The following PAM variants were observed in gnomAD, a reference collection of about 807,000 sequenced individuals.
PAM encodes peptidylglycine alpha-amidating monooxygenase, also known as peptidyl-glycine alpha-amidating monooxygenase.
In PAM, 72 loss-of-function variants were observed where a neutral mutation model predicts 122.1. That is an observed-to-expected ratio of 0.59 (90% CI 0.49 to 0.72). The LOEUF (loss-of-function observed/expected upper bound fraction) is 0.72. Among genes scored for constraint, PAM ranks in the 30% least tolerant of loss-of-function variants. PAM has a pLI of 0.00. For synonymous variants in PAM, 389 were observed against 404.4 expected, an observed-to-expected ratio of 0.96 and a Z score of 0.46; for missense variants, 1,106 against 1,183.7, an observed-to-expected ratio of 0.93 and a Z score of 0.96.
At chr5:102,781,745 A>C (rs1012409985) in intron 1 of PAM, among the ~76,000 whole-genome samples, 2 of 152,242 alleles carry the variant, frequency 1.3e-5, no homozygotes, top group Non-Finnish European at 2.9e-5. Context: ...GTTATTATAT[A>C]CAGGGACTTG....
intron 1 of PAM, among the ~76,000 whole-genome samples, chr5:102,865,054 C>A (rs1279489269): frequency 6.6e-6 from 1 of 152,168 alleles, no homozygotes; most frequent in Non-Finnish European, 1.5e-5. Context: ...TAAGATTCTC[C>A]CTACTCTTTC....
intron 1 of PAM, chr5:102,837,665 T>A (rs1205514733): frequency 6.6e-6 from 1 of 152,222 alleles, no homozygotes. Context: ...TCTTTCACTA[T>A]TTATATTTTT....
At chr5:102,873,672 A>G (rs1393968181) in intron 3 of PAM, 1 of 152,262 alleles carries the variant, frequency 6.6e-6, no homozygotes, top group African/African-American at 2.4e-5. Context: ...AGTGTTAAGA[A>G]TTATGAGACC....
chr5:102,912,931 C>A (rs1801868187), intron 4 of PAM, among the ~76,000 whole-genome samples: 1 of 152,056 alleles, frequency 6.6e-6, no homozygotes, highest in South Asian at 2.1e-4. Flanking sequence ...GTCAGACACA[C>A]TGTGAGTCAT....
At chr5:102,999,714 G>T (rs934256949) in intron 16 of PAM, among the ~76,000 whole-genome samples, 1 of 152,212 alleles carries the variant, frequency 6.6e-6, no homozygotes, top group Non-Finnish European at 1.5e-5. Flanking sequence ...AATGGAAGCT[G>T]CCAAGGCTTG....
In PAM at chr5:102,929,290, T is replaced by C. The variant is rs1581802270; in HGVS notation, c.526+2622T>C. ...TATTCTGCTTTCAGCAGCTTCTGTA[T>C]TGTGATCTCATACTTATCTCCAGAT... On this transcript the variant is annotated intron_variant, in intron 7 of 25. Coordinates refer to ENST00000438793, the MANE Select transcript of PAM (RefSeq NM_001177306.2). Among the ~76,000 whole-genome samples, 4 of 152,322 alleles carry C rather than the reference T, an allele frequency of 2.6e-5. No individual in the cohort carries two copies. In the East Asian group the frequency reaches 5.8e-4, roughly 22 times the overall value.
At chr5:102,982,114 G>A (rs945624443) in intron 15 of PAM, among the ~76,000 whole-genome samples, 4 of 151,948 alleles carry the variant, frequency 2.6e-5, no homozygotes, top group African/African-American at 9.7e-5. Flanking sequence ...ATTGTCCAGG[G>A]ATCTGAGGAT....
intron 1 of PAM, among the ~76,000 whole-genome samples, chr5:102,825,329 A>T (rs1306472211): frequency 6.6e-6 from 1 of 152,218 alleles, no homozygotes; most frequent in East Asian, 1.9e-4. Context: ...TAAAACTAAA[A>T]AATTTATCTT....
chr5:103,023,862 C>T (rs17154965), intron 23 of PAM, among the ~76,000 whole-genome samples: 56 of 152,040 alleles, frequency 3.7e-4, no homozygotes, highest in African/African-American at 1.3e-3. Context: ...GAGGCTGGCT[C>T]AGAACGTTGA....
intron 13 of PAM, among the ~76,000 whole-genome samples, chr5:102,960,899 T>G (rs548675141): frequency 6.8e-6 from 1 of 146,908 alleles, no homozygotes; most frequent in African/African-American, 2.5e-5. Context: ...ATTTTGAAAA[T>G]TCTGTATCAT....
At chr5:102,952,518 C>T (rs1273943226) in intron 12 of PAM, among the ~76,000 whole-genome samples, 1 of 151,498 alleles carries the variant, frequency 6.6e-6, no homozygotes, top group Non-Finnish European at 1.5e-5. Context: ...AGGAAATTAA[C>T]TTATTGGGTG....
intron 1 of PAM, among the ~76,000 whole-genome samples, chr5:102,849,765 G>T (rs180916573): frequency 3.9e-5 from 6 of 152,182 alleles, no homozygotes; most frequent in Non-Finnish European, 8.8e-5. Context: ...GAAGTCAATA[G>T]ATAATTAATG....
intron 1 of PAM, among the ~76,000 whole-genome samples, chr5:102,786,981 C>A (rs552807728): frequency 5.3e-5 from 8 of 152,146 alleles, no homozygotes; most frequent in African/African-American, 1.9e-4. Context: ...GAAGGTAACA[C>A]CTCTGGAAGC....
At chr5:102,781,920 A>C (rs779887512) in intron 1 of PAM, among the ~76,000 whole-genome samples, 1 of 152,164 alleles carries the variant, frequency 6.6e-6, no homozygotes, top group Non-Finnish European at 1.5e-5. Context: ...CCTTATGTAA[A>C]TGAGGCATCA....
intron 1 of PAM, among the ~76,000 whole-genome samples, chr5:102,779,978 A>C (rs952643167): frequency 6.1e-5 from 9 of 148,694 alleles, no homozygotes; most frequent in African/African-American, 2.2e-4. Flanking sequence ...GAATCCTAAT[A>C]TAGTTACCCT....
At chr5:102,946,980 A>C (rs1435642337) in intron 8 of PAM, 95 bp downstream of exon 8, 7 of 803,776 alleles carry the variant, frequency 8.7e-6, no homozygotes, top group Non-Finnish European at 1.3e-5. Context: ...TGTGGGTAAA[A>C]ATTAACCTAA....
intron 14 of PAM, among the ~76,000 whole-genome samples, chr5:102,967,024 A>C (rs1307279203): frequency 6.6e-6 from 1 of 152,082 alleles, no homozygotes; most frequent in Non-Finnish European, 1.5e-5. Context: ...ATCTTAAAGC[A>C]TTTTTTAAAA....
At chr5:102,769,784 G>A (rs1050736854) in intron 1 of PAM, among the ~76,000 whole-genome samples, 1 of 152,120 alleles carries the variant, frequency 6.6e-6, no homozygotes, top group African/African-American at 2.4e-5. Context: ...GTCAGTTAAT[G>A]TGATTCCTCT....
At chr5:102,814,612 GAT>G (rs1167377609) in intron 1 of PAM, among the ~76,000 whole-genome samples, 1 of 146,964 alleles carries the variant, frequency 6.8e-6, no homozygotes, top group Admixed American at 6.8e-5. Flanking sequence ...TACATATATT[GAT>G]ATGTATATAG....
Sources: allele counts gnomAD v4.1 joint callset (sites outside exome capture counted in the v4.1 genomes callset), GRCh38; gene constraint gnomAD v4.1.1; transcripts MANE v1.5; gene names NCBI Gene and HGNC (gene_info 2026-07-23, HGNC 2026-07-21).